The following ZNF445 variants were observed in gnomAD, a reference collection of about 807,000 sequenced individuals.
ZNF445 encodes the protein zinc finger protein 445.
ZNF445 carries 19 observed loss-of-function variants against 93.9 expected under a neutral mutation model. The observed-to-expected ratio is 0.20, with a 90% CI of 0.14 to 0.30. ZNF445 has a LOEUF of 0.30. Among genes scored for constraint, ZNF445 ranks in the 10% least tolerant of loss-of-function variants. The pLI is 1.00. For missense variants in ZNF445, 1,058 were observed against 1,259.4 expected (o/e 0.84, Z 2.42); for synonymous variants, 449 against 446.3 (o/e 1.01, Z -0.08).
At chr3:44,464,314 C>G (rs1698162635) in intron 1 of ZNF445, among the ~76,000 whole-genome samples, 1 of 152,148 alleles carries the variant, frequency 6.6e-6, no homozygotes, top group Non-Finnish European at 1.5e-5. Flanking sequence ...TTTCCTGGCC[C>G]TGTTCCTCCA....
In ZNF445 at chr3:44,431,935, A is replaced by C. The variant is rs1164809398; in HGVS notation, c.*14640T>G. On this transcript the variant is annotated 3_prime_UTR_variant, in exon 8 of 8. Transcript: ENST00000396077. ...TTATTTTTTATTTTTTATTTTTTTG[A>C]GACAGGGTCGCTCTGTCTTCTGGGC... The C allele has an allele frequency of 6.6e-6, 1 of 152,002 alleles. No individual in the cohort carries two copies. The highest frequency in any genetic ancestry group is 1.5e-5 in the Non-Finnish European group (1 of 67,994). The allele number at this position is 152,002 out of a possible 1,614,324, so 9.4% of individuals were successfully genotyped here.
At position 44,448,057 on chromosome 3, in the gene ZNF445, C is replaced by T. The variant is rs1219899388; in HGVS notation, c.1614G>A (p.Val538=). The T allele has an allele frequency of 3.7e-6, 6 of 1,612,242 alleles. No individual in the cohort carries two copies. Among genetic ancestry groups the T allele is most frequent in the Admixed American group, 1.7e-5 (1 of 59,996 alleles). ...CACATAAATCGCATTTATAAGGCTT[C>T]ACTCCAGTGTGAATTTTCTCATGCC... ...CARHEKIHTG[V]KPYKCDLCEK... The change falls in exon 8 of 8, where the codon GTG becomes GTA. Residue 538 remains valine, a synonymous_variant. Transcript: ENST00000396077.
intron 1 of ZNF445, among the ~76,000 whole-genome samples, chr3:44,461,320 T>C (rs766177277): frequency 2.0e-5 from 3 of 152,186 alleles, no homozygotes; most frequent in Admixed American, 1.3e-4. Context: ...AGTCCTGGTT[T>C]GGAAGACTTC....
In ZNF445 at chr3:44,443,612, C is replaced by T. The variant is rs2125677111; in HGVS notation, c.*2963G>A. 6.6e-6 allele frequency: 1 copy of T among 152,106 alleles called. No homozygotes were observed. Among genetic ancestry groups the T allele is most frequent in the Admixed American group, 6.6e-5 (1 of 15,258 alleles). The allele number at this position is 152,106 out of a possible 1,614,324, so 9.4% of individuals were successfully genotyped here. ...TCTACTAAAAATATAAAAAATAACC[C>T]AGGCGTGGTGGCAGGCACTTGTAGT... On this transcript the variant is annotated 3_prime_UTR_variant, in exon 8 of 8. Coordinates refer to ENST00000396077, the MANE Select transcript of ZNF445 (RefSeq NM_181489.6).
At chr3:44,448,791 T>TG (rs1295826059) in intron 7 of ZNF445, 52 bp from the exon 8 acceptor site, 1 of 1,549,188 alleles carries the variant, frequency 6.5e-7, no homozygotes, top group African/African-American at 1.4e-5. Flanking sequence ...TACTTGGAAC[T>TG]GCAGAAAGCA....
rs558877225 is a variant in ZNF445, at chr3:44,454,486, C to A, written c.429+635G>T. 1.6e-4 allele frequency among the ~76,000 whole-genome samples: 25 copies of A among 152,262 alleles called. No individual in the cohort carries two copies. The South Asian group carries it at 4.6e-3, about 28-fold the overall frequency. ...TCTTGCTGTGTCACCCAGGCTGGAG[C>A]GCAGTGGTGCAATCACGGCTCACTG... On this transcript the variant is annotated intron_variant, in intron 3 of 7. Coordinates refer to ENST00000396077, the MANE Select transcript of ZNF445 (RefSeq NM_181489.6).
chr3:44,447,421 C>T lies in ZNF445; in HGVS notation c.2250G>A (p.Gln750=). Residue 750 remains glutamine, a synonymous_variant, in exon 8 of 8, where the codon CAG becomes CAA. Transcript: ENST00000396077. This position sits in a 1 kb window ranked among gnomAD's most constrained non-coding sequence, Gnocchi z 4.7. ...CTTTGGAGTGACTGCTCTGAGGAACCTGGAACACTGTGTCCTGACTAAAAG... is the reference window on the plus strand; with the variant it reads ...CTTTGGAGTGACTGCTCTGAGGAACTTGGAACACTGTGTCCTGACTAAAAG... The part of the protein sequence containing the change: ...GPSFSQDTVF[Q]VPQSSHSKEE... 1.2e-6 allele frequency: 2 copies of T among 1,614,200 alleles called. No homozygotes were observed. Among genetic ancestry groups the T allele is most frequent in the Non-Finnish European group, 1.7e-6 (2 of 1,180,030 alleles).
At position 44,474,522 on chromosome 3, in the gene ZNF445, C is replaced by CA. The variant is rs567579595; in HGVS notation, c.-269+3068dup. Among the ~76,000 whole-genome samples the CA allele has an allele frequency of 3.6e-4, 54 of 152,068 alleles. No homozygotes were observed. The East Asian group carries it at 6.0e-3, about 17-fold the overall frequency. ...AGAGCAAAATTCCGTCTCAAACAAA[C>CA]AAAAAACAGAACAAACAAAAAAACA... is the stretch of plus-strand genomic sequence containing the variant. On this transcript the variant is annotated intron_variant, in intron 1 of 7. Coordinates refer to ENST00000396077, the MANE Select transcript of ZNF445 (RefSeq NM_181489.6).
chr3:44,437,525 G>T lies in ZNF445; in HGVS notation c.*9050C>A, dbSNP rs1697707974. 6.6e-6 allele frequency: 1 copy of T among 152,128 alleles called. No individual in the cohort carries two copies. The highest frequency in any genetic ancestry group is 1.5e-5 in the Non-Finnish European group (1 of 68,038). 9.4% of individuals were successfully genotyped at this position (152,128 alleles called of 1,614,324 possible). Reference sequence around the variant, plus strand: ...TATTAAGAAAGTAAAGTGGTGAAAGGACAGCTACTCCATAGAGTAGGATGG... The same window carrying T: ...TATTAAGAAAGTAAAGTGGTGAAAGTACAGCTACTCCATAGAGTAGGATGG... On this transcript the variant is annotated 3_prime_UTR_variant, in exon 8 of 8. Coordinates refer to ENST00000396077, the MANE Select transcript of ZNF445 (RefSeq NM_181489.6).
intron 1 of ZNF445, among the ~76,000 whole-genome samples, chr3:44,471,132 A>G (rs1332819633): frequency 1.3e-5 from 2 of 152,166 alleles, no homozygotes; most frequent in Admixed American, 6.5e-5. Flanking sequence ...CCACAGACAC[A>G]GGATCAGCTG....
rs1697846644 is a variant in ZNF445, at chr3:44,443,985, A to AAG, written c.*2589_*2590insCT. 1 of 152,072 alleles carries AAG rather than the reference A, an allele frequency of 6.6e-6. No individual in the cohort carries two copies. The highest frequency in any genetic ancestry group is 2.1e-4 in the South Asian group (1 of 4,822). 9.4% of individuals were successfully genotyped at this position (152,072 alleles called of 1,614,324 possible). On this transcript the variant is annotated 3_prime_UTR_variant, in exon 8 of 8. Transcript: ENST00000396077. The stretch of plus-strand genomic sequence containing the variant: ...AAAAAAAAATAAAAGTTTTGTCTCT[A>AAG]CAAAAAAATATAAAAAATTAGCTGG...
rs181500252 is a variant in ZNF445 at position 44,434,004 on chromosome 3, G to A, written c.*12571C>T. 1 of 152,244 alleles carries A rather than the reference G, an allele frequency of 6.6e-6. No individual in the cohort carries two copies. The highest frequency in any genetic ancestry group is 1.5e-5 in the Non-Finnish European group (1 of 68,018). 9.4% of individuals were successfully genotyped at this position (152,244 alleles called of 1,614,324 possible). A position where few individuals can be genotyped will look rare whatever the true frequency, so the allele number is the denominator to read the frequency against. ...CTGAGACTCCCAGGCAGCCCCTTTG[G>A]AAAACAGTTTGGCATTTCCCCAAAA... On this transcript the variant is annotated 3_prime_UTR_variant, in exon 8 of 8. Coordinates refer to ENST00000396077, the MANE Select transcript of ZNF445 (RefSeq NM_181489.6).
At chr3:44,473,820 C>T (rs1698306745) in intron 1 of ZNF445, among the ~76,000 whole-genome samples, 1 of 149,088 alleles carries the variant, frequency 6.7e-6, no homozygotes, top group South Asian at 2.1e-4. Flanking sequence ...AACAACAGTA[C>T]TGCATTCTAG....
intron 4 of ZNF445, 25 bp downstream of exon 4, chr3:44,451,289 G>A: frequency 6.2e-7 from 1 of 1,608,100 alleles, no homozygotes; most frequent in South Asian, 1.1e-5. Flanking sequence ...ATAAGGCTGG[G>A]GTCTTAAGGC....
rs575121558 is a variant in ZNF445 at position 44,449,690 on chromosome 3, T to C, written c.821-67A>G. 1.4e-5 allele frequency: 19 copies of C among 1,332,516 alleles called. No individual in the cohort carries two copies. The African/African-American group carries it at 1.9e-4, about 13-fold the overall frequency. 82.5% of individuals were successfully genotyped at this position (1,332,516 alleles called of 1,614,324 possible). A position where few individuals can be genotyped will look rare whatever the true frequency, so the allele number is the denominator to read the frequency against. On this transcript the variant is annotated intron_variant, in intron 6 of 7. Coordinates refer to ENST00000396077, the MANE Select transcript of ZNF445 (RefSeq NM_181489.6). ...ACACAGAACTACTCTTCAGGACCTC[T>C]GGGCCTGAAGTCCTGGTGGGAAGGT...
intron 1 of ZNF445, among the ~76,000 whole-genome samples, chr3:44,463,503 A>C (rs1698149143): frequency 6.6e-6 from 1 of 151,858 alleles, no homozygotes. Context: ...AAACTGATAG[A>C]TCCCTTTCAA....
At chr3:44,450,998 T>G in intron 4 of ZNF445, 36 bp from the exon 5 acceptor site, 5 of 1,504,624 alleles carry the variant, frequency 3.3e-6, no homozygotes, top group Non-Finnish European at 4.5e-6. Flanking sequence ...GCGGCTCAGC[T>G]CTGGACAGCC....
intron 3 of ZNF445, among the ~76,000 whole-genome samples, chr3:44,451,729 A>C (rs533385396): frequency 3.3e-4 from 51 of 152,278 alleles, no homozygotes; most frequent in African/African-American, 1.2e-3. Flanking sequence ...CCAGCTCAAC[A>C]CAAGGAAGCA....
intron 6 of ZNF445, 129 bp downstream of exon 6, chr3:44,450,318 T>TA: frequency 8.8e-7 from 1 of 1,132,026 alleles, no homozygotes; most frequent in Non-Finnish European, 1.3e-6. Context: ...GGTGCTAGAT[T>TA]AAGTGATCTG....
Sources: allele counts gnomAD v4.1 joint callset (sites outside exome capture counted in the v4.1 genomes callset), GRCh38; gene constraint gnomAD v4.1.1; non-coding constraint Gnocchi (gnomAD v3.1); transcripts MANE v1.5; gene names NCBI Gene and HGNC (gene_info 2026-07-23, HGNC 2026-07-21).